Variants in PDS5B observed in about 807,000 individuals in gnomAD.
The protein encoded by PDS5B is PDS5 cohesin associated factor B, also known as sister chromatid cohesion protein PDS5 homolog B.
A neutral mutation model predicts 184.1 loss-of-function variants in PDS5B; 51 were observed. The observed-to-expected ratio is 0.28, with a 90% CI of 0.22 to 0.35. The LOEUF (loss-of-function observed/expected upper bound fraction) is 0.35. PDS5B is among the 10% of genes least tolerant of loss of function. The pLI, the probability that PDS5B is intolerant of heterozygous loss-of-function variation, is 1.00. For missense variants in PDS5B, 1,180 were observed against 1,723.3 expected, an observed-to-expected ratio of 0.68 and a Z score of 5.58; for synonymous variants, 566 against 569.2, an observed-to-expected ratio of 0.99 and a Z score of 0.08.
intron 20 of PDS5B, among the ~76,000 whole-genome samples, chr13:32,734,621 T>C (rs1207575462): frequency 1.3e-5 from 2 of 152,174 alleles, no homozygotes; most frequent in African/African-American, 4.8e-5. Flanking sequence ...TGACTTCTCT[T>C]TAAATCCCAC....
At chr13:32,728,253 CTT>C (rs2140942391) in intron 19 of PDS5B, among the ~76,000 whole-genome samples, 1 of 151,980 alleles carries the variant, frequency 6.6e-6, no homozygotes, top group South Asian at 2.1e-4. Flanking sequence ...TGTAACAGCT[CTT>C]TTAATGTCTA....
At position 32,631,114 on chromosome 13, in the gene PDS5B, C is replaced by CTTT. The variant is rs766844209; in HGVS notation, c.-19-17639_-19-17637dup. On this transcript the variant is annotated intron_variant, in intron 1 of 34. Coordinates refer to ENST00000315596, the MANE Select transcript of PDS5B (RefSeq NM_015032.4). ...GGCCATCTCTATTGATTCTTTTTTT[C>CTTT]TTTCTTTTTTTTTTTTTTTGAGATG... 3.2e-5 allele frequency among the ~76,000 whole-genome samples: 4 copies of CTTT among 123,738 alleles called. 1 individual carries two copies. Among genetic ancestry groups the CTTT allele is most frequent in the African/African-American group, 2.9e-5 (1 of 34,798 alleles). 81.2% of individuals were successfully genotyped at this position (123,738 alleles called of 152,430 possible).
intron 1 of PDS5B, among the ~76,000 whole-genome samples, chr13:32,588,986 A>G (rs1043508427): frequency 2.0e-5 from 3 of 152,226 alleles, no homozygotes; most frequent in Non-Finnish European, 4.4e-5. Flanking sequence ...CCTCTTGGGA[A>G]ATTTAGAGAC....
intron 22 of PDS5B, among the ~76,000 whole-genome samples, chr13:32,741,710 TG>T (rs1953563543): frequency 2.0e-5 from 3 of 150,086 alleles, no homozygotes; most frequent in Non-Finnish European, 4.4e-5. Context: ...TGTGTGTGTG[TG>T]TGTGTGTGTG....
At chr13:32,772,961 T>TGGTATG (rs1296377027) in intron 33 of PDS5B, among the ~76,000 whole-genome samples, 1 of 152,192 alleles carries the variant, frequency 6.6e-6, no homozygotes, top group African/African-American at 2.4e-5. Flanking sequence ...CTTTAGGTTA[T>TGGTATG]GGTATGTTCT....
intron 1 of PDS5B, among the ~76,000 whole-genome samples, chr13:32,620,369 A>G (rs555166941): frequency 6.6e-6 from 1 of 152,082 alleles, no homozygotes; most frequent in Non-Finnish European, 1.5e-5. Flanking sequence ...ACTGTTAAAA[A>G]GTGGTAGTGA....
At chr13:32,757,095 C>T (rs12866045) in intron 26 of PDS5B, among the ~76,000 whole-genome samples, 1 of 151,514 alleles carries the variant, frequency 6.6e-6, no homozygotes, top group Admixed American at 6.6e-5. Flanking sequence ...CACTGCACTC[C>T]ATCCTGGGCA....
intron 10 of PDS5B, among the ~76,000 whole-genome samples, chr13:32,683,042 T>G (rs1951288982): frequency 6.6e-6 from 1 of 152,024 alleles, no homozygotes; most frequent in South Asian, 2.1e-4. Context: ...TGAGGCAGTC[T>G]CGCCCTGTCA....
At position 32,699,858 on chromosome 13, in the gene PDS5B, G is replaced by C; in HGVS notation, c.1729G>C (p.Glu577Gln). ...VSPTCSCKQAEGCVREITKKL... is the reference protein window; with the variant it reads ...VSPTCSCKQAQGCVREITKKL... The stretch of plus-strand genomic sequence containing the variant: ...TCCAACATGCTCCTGCAAGCAGGCT[G>C]AAGGTTGTGTGGTAAGGAGAGAAAA... Residue 577 changes from glutamate (E) to glutamine (Q), a missense_variant, in exon 16 of 35, where the codon GAA (glutamate) becomes CAA (glutamine). By Grantham distance (29) the Glu-to-Gln change is conservative (BLOSUM62 2). This residue lies in a region of PDS5B where 475 missense variants were observed against 691.5 expected (regional missense o/e 0.69). Coordinates refer to ENST00000315596, the MANE Select transcript of PDS5B (RefSeq NM_015032.4). 1 of 1,567,698 alleles carries C rather than the reference G, an allele frequency of 6.4e-7. No individual in the cohort carries two copies. The highest frequency in any genetic ancestry group is 8.6e-7 in the Non-Finnish European group (1 of 1,162,548).
intron 11 of PDS5B, among the ~76,000 whole-genome samples, chr13:32,684,704 A>G (rs892514482): frequency 3.9e-5 from 6 of 152,222 alleles, no homozygotes; most frequent in African/African-American, 1.4e-4. Flanking sequence ...TCATTTAGGC[A>G]TAAGAGTAAT....
At chr13:32,675,778 G>T in intron 8 of PDS5B, 66 bp from the exon 9 acceptor site, 2 of 871,132 alleles carry the variant, frequency 2.3e-6, no homozygotes, top group Non-Finnish European at 3.7e-6. Context: ...TTATGGCAAA[G>T]AATGGGCAGC....
chr13:32,694,315 A>AT lies in PDS5B; in HGVS notation c.1551+17dup, dbSNP rs1208295039. 1 of 1,536,674 alleles carries AT rather than the reference A, an allele frequency of 6.5e-7. No individual in the cohort carries two copies. Among genetic ancestry groups the AT allele is most frequent in the African/African-American group, 1.4e-5 (1 of 72,046 alleles). On this transcript the variant is annotated intron_variant, in intron 14 of 34. Coordinates refer to ENST00000315596, the MANE Select transcript of PDS5B (RefSeq NM_015032.4). Reference sequence around the variant, plus strand: ...ATTAAGCAACCCAAAGTAAGTAAGAATTTTTTCCTTCAATGTTTTTTAAAA... The same window carrying AT: ...ATTAAGCAACCCAAAGTAAGTAAGAATTTTTTTCCTTCAATGTTTTTTAAAA...
chr13:32,745,111 T>C (rs1953696837), intron 23 of PDS5B, among the ~76,000 whole-genome samples: 1 of 151,970 alleles, frequency 6.6e-6, no homozygotes, highest in African/African-American at 2.4e-5. Context: ...CAGTTGTCTT[T>C]CCTTGAACTT....
chr13:32,748,774 T>TA (rs771948177), intron 24 of PDS5B, among the ~76,000 whole-genome samples: 8 of 152,190 alleles, frequency 5.3e-5, no homozygotes, highest in Non-Finnish European at 1.2e-4. Flanking sequence ...AGAGCCTATA[T>TA]AAGTGTTAAA....
At chr13:32,612,090 C>T (rs2058152792) in intron 1 of PDS5B, among the ~76,000 whole-genome samples, 1 of 151,628 alleles carries the variant, frequency 6.6e-6, no homozygotes, top group Non-Finnish European at 1.5e-5. Flanking sequence ...CCTCAGGAGA[C>T]TGTGCATCTT....
At chr13:32,722,782 T>C (rs1351157269) in intron 19 of PDS5B, among the ~76,000 whole-genome samples, 2 of 152,152 alleles carry the variant, frequency 1.3e-5, no homozygotes, top group South Asian at 2.1e-4. Flanking sequence ...GAAGAAGTAA[T>C]GTTAAGAGGT....
chr13:32,701,037 T>C (rs45622533), intron 16 of PDS5B: 126 of 185,364 alleles, frequency 6.8e-4, no homozygotes, highest in Non-Finnish European at 1.2e-3. Context: ...ATTTTTGATG[T>C]AATATATGAG....
At chr13:32,597,405 A>G (rs550572358) in intron 1 of PDS5B, among the ~76,000 whole-genome samples, 1 of 152,046 alleles carries the variant, frequency 6.6e-6, no homozygotes, top group East Asian at 1.9e-4. Flanking sequence ...ATTGAAGAGA[A>G]ATGGTGAGAG....
At position 32,677,240 on chromosome 13, in the gene PDS5B, A is replaced by T. The variant is rs550966166; in HGVS notation, c.962+1281A>T. Among the ~76,000 whole-genome samples, 12 of 152,160 alleles carry T rather than the reference A, an allele frequency of 7.9e-5. 1 individual carries two copies. The highest frequency in any genetic ancestry group is 1.6e-4 in the Non-Finnish European group (11 of 67,982). On this transcript the variant is annotated intron_variant, in intron 9 of 34. Transcript: ENST00000315596. ...ATACAATGGAAAGTTTTTAGACAGT[A>T]GGAAAGAATATCAGTTTAAATTATG...
Sources: gnomAD v4.1 joint callset for allele counts (sites outside exome capture counted in the v4.1 genomes callset) on GRCh38, gnomAD v4.1.1 for gene constraint, gnomAD v4.1.1 regional missense constraint, MANE v1.5 for transcripts, NCBI Gene and HGNC (gene_info 2026-07-23, HGNC 2026-07-21) for gene names.